Variants in DCBLD1 observed in about 807,000 individuals in gnomAD.
DCBLD1 encodes the protein discoidin, CUB and LCCL domain-containing protein 1.
In DCBLD1, 57 loss-of-function variants were observed where a neutral mutation model predicts 71.5. That is an observed-to-expected ratio of 0.80 (90% CI 0.64 to 0.99). DCBLD1 has a LOEUF of 0.99. Ranked by LOEUF, DCBLD1 falls within the 50% of genes least tolerant of loss-of-function variation. DCBLD1 has a pLI of 0.00. For missense variants in DCBLD1, 891 were observed against 923.5 expected, an observed-to-expected ratio of 0.96 and a Z score of 0.46; for synonymous variants, 380 against 363.8, an observed-to-expected ratio of 1.04 and a Z score of -0.51.
intron 7 of DCBLD1, among the ~76,000 whole-genome samples, chr6:117,537,438 G>A (rs1007180498): frequency 1.3e-5 from 2 of 151,626 alleles, no homozygotes; most frequent in Non-Finnish European, 2.9e-5. Context: ...GGAGGCTGAG[G>A]CAGGAGAATG....
chr6:117,509,621 C>T lies in DCBLD1; in HGVS notation c.325+5642C>T, dbSNP rs140062447. 3.3e-5 allele frequency among the ~76,000 whole-genome samples: 5 copies of T among 152,166 alleles called. No individual in the cohort carries two copies. The East Asian group carries it at 7.7e-4, about 24-fold the overall frequency. On this transcript the variant is annotated intron_variant, in intron 2 of 14. Transcript: ENST00000338728. ...TACTCTTCCCCTCCCTCTTCCCAGC[C>T]GCCTCTTCTTCTTCCTCCTCCTGAG...
At chr6:117,562,587 AGT>A (rs1779607144) in intron 14 of DCBLD1, 1 of 202,386 alleles carries the variant, frequency 4.9e-6, no homozygotes, top group African/African-American at 2.3e-5. Context: ...TAAAATGTTT[AGT>A]AACTTTTGAG....
rs1259155656 is a variant in DCBLD1 at position 117,503,901 on chromosome 6, A to G, written c.247A>G (p.Arg83Gly). Reference protein sequence around the residue: ...TVPKGKRLILRLGDLDIESQT... With the variant: ...TVPKGKRLILGLGDLDIESQT... ...ACCAAAGGGGAAAAGACTGATTCTG[A>G]GGTTGGGAGATTTGGATATCGAATC... The change falls in exon 2 of 15, where the codon AGG (arginine) becomes GGG (glycine). Residue 83 changes from arginine to glycine, a missense_variant. Coordinates refer to ENST00000338728, the MANE Select transcript of DCBLD1 (RefSeq NM_001366458.2). 15 of 1,614,008 alleles carry G rather than the reference A, an allele frequency of 9.3e-6. No homozygotes were observed. Among genetic ancestry groups the G allele is most frequent in the Admixed American group, 1.7e-5 (1 of 60,004 alleles).
intron 12 of DCBLD1, among the ~76,000 whole-genome samples, 193 bp downstream of exon 12, chr6:117,543,404 A>G (rs1026640330): frequency 1.3e-5 from 2 of 152,196 alleles, no homozygotes; most frequent in African/African-American, 4.8e-5. Context: ...ATCTTTTTTT[A>G]TAGACAGGGT....
At chr6:117,494,966 C>T (rs1777422931) in intron 1 of DCBLD1, 4 of 152,192 alleles carry the variant, frequency 2.6e-5, no homozygotes, top group South Asian at 2.1e-4. Context: ...CTTCACTATA[C>T]ACTGTAAGGG....
In DCBLD1 at chr6:117,544,933, T is replaced by C. The variant is rs117576370; in HGVS notation, c.1495+356T>C. Among the ~76,000 whole-genome samples the C allele has an allele frequency of 2.4e-3, 366 of 150,278 alleles. 3 individuals are homozygous for C. The highest frequency in any genetic ancestry group is 4.5e-3 in the Non-Finnish European group (301 of 67,392). The stretch of plus-strand genomic sequence containing the variant: ...GCATCTGCAGGCCTGTGCTGTACTT[T>C]CCACCCTGAGAAAGTGAGAAAAAGA... On this transcript the variant is annotated intron_variant, in intron 13 of 14. Transcript: ENST00000338728.
intron 6 of DCBLD1, among the ~76,000 whole-genome samples, chr6:117,533,306 C>T (rs919828175): frequency 1.3e-5 from 2 of 152,142 alleles, no homozygotes; most frequent in African/African-American, 4.8e-5. Context: ...TATTCTATCA[C>T]TCATTAATCT....
At chr6:117,486,792 G>A (rs1279885095) in intron 1 of DCBLD1, among the ~76,000 whole-genome samples, 1 of 152,190 alleles carries the variant, frequency 6.6e-6, no homozygotes, top group Non-Finnish European at 1.5e-5. Flanking sequence ...GGATCCCTAA[G>A]CCCTGGGCTG....
Position 117,521,579 on chromosome 6 carries a change from A to G in DCBLD1, c.512+3A>G. 1 of 1,561,946 alleles carries G rather than the reference A, an allele frequency of 6.4e-7. No individual in the cohort carries two copies. The highest frequency in any genetic ancestry group is 1.2e-5 in the South Asian group (1 of 83,200). On this transcript the variant is annotated splice_donor_region_variant and intron_variant, in intron 4 of 14. Transcript: ENST00000338728. ...CATTATTTGAAGACAGAATACAGGT[A>G]AGTATAGGTATCCTAACTGTGTTGC...
At chr6:117,544,912 C>T (rs1023782812) in intron 13 of DCBLD1, among the ~76,000 whole-genome samples, 2 of 151,252 alleles carry the variant, frequency 1.3e-5, no homozygotes, top group Non-Finnish European at 3.0e-5. Flanking sequence ...TTGTTAGCAT[C>T]TGCAGGCCTG....
At position 117,540,909 on chromosome 6, in the gene DCBLD1, C is replaced by T. The variant is rs773259973; in HGVS notation, c.1250-9C>T. On this transcript the variant is annotated splice_polypyrimidine_tract_variant and intron_variant, in intron 10 of 14. Coordinates refer to ENST00000338728, the MANE Select transcript of DCBLD1 (RefSeq NM_001366458.2). Reference sequence around the variant, plus strand: ...TCATGTGGTTTTCCCGACATCCCTCCTCTCTCAGGTAATGATTCATTGGTG... The same window carrying T: ...TCATGTGGTTTTCCCGACATCCCTCTTCTCTCAGGTAATGATTCATTGGTG... 2 of 1,614,032 alleles carry T rather than the reference C, an allele frequency of 1.2e-6. No individual in the cohort carries two copies. Among genetic ancestry groups the T allele is most frequent in the African/African-American group, 2.7e-5 (2 of 74,920 alleles).
chr6:117,505,444 C>T (rs541642956), intron 2 of DCBLD1, among the ~76,000 whole-genome samples: 7 of 152,216 alleles, frequency 4.6e-5, no homozygotes, highest in African/African-American at 1.7e-4. Context: ...CCACACGGGT[C>T]TCTTGGGGGA....
intron 12 of DCBLD1, among the ~76,000 whole-genome samples, chr6:117,544,084 C>G (rs564027011): frequency 2.6e-5 from 4 of 152,256 alleles, no homozygotes; most frequent in African/African-American, 9.6e-5. Context: ...AGAGAAGGTA[C>G]AAAAGTCTCT....
At chr6:117,541,996 T>G (rs544073038) in intron 11 of DCBLD1, among the ~76,000 whole-genome samples, 2 of 152,240 alleles carry the variant, frequency 1.3e-5, no homozygotes, top group African/African-American at 4.8e-5. Context: ...TTTTCACTCT[T>G]AAAAATAACA....
In DCBLD1 at chr6:117,563,525, C is replaced by A. The variant is rs951120899; in HGVS notation, c.1616-6095C>A. 6 of 695,962 alleles carry A rather than the reference C, an allele frequency of 8.6e-6. No homozygotes were observed. The African/African-American group carries it at 1.1e-4, about 13-fold the overall frequency. 43.1% of individuals were successfully genotyped at this position (695,962 alleles called of 1,614,324 possible). On this transcript the variant is annotated intron_variant, in intron 14 of 14. Transcript: ENST00000296955. ...TAACCTGAGGTTAGGGGTTCGAGACCAGCCTGGACAATGTGGTGAAACCCC... is the reference window on the plus strand; with the variant it reads ...TAACCTGAGGTTAGGGGTTCGAGACAAGCCTGGACAATGTGGTGAAACCCC...
intron 11 of DCBLD1, among the ~76,000 whole-genome samples, chr6:117,542,860 C>G (rs1427317173): frequency 1.3e-5 from 2 of 152,100 alleles, no homozygotes; most frequent in Non-Finnish European, 2.9e-5. Flanking sequence ...GGCCAAGCAA[C>G]AAGCCCAGTG....
chr6:117,556,585 T>C (rs1779498189), intron 14 of DCBLD1, among the ~76,000 whole-genome samples: 1 of 152,250 alleles, frequency 6.6e-6, no homozygotes, highest in South Asian at 2.1e-4. Flanking sequence ...TATTCAATGG[T>C]ATATATTTAC....
At chr6:117,501,925 A>G (rs1350847322) in intron 1 of DCBLD1, among the ~76,000 whole-genome samples, 2 of 152,074 alleles carry the variant, frequency 1.3e-5, no homozygotes, top group African/African-American at 2.4e-5. Flanking sequence ...CTGTGTTGCA[A>G]TCATTTCTGG....
intron 14 of DCBLD1, chr6:117,547,553 A>G (rs1260136498): frequency 5.5e-6 from 3 of 541,140 alleles, no homozygotes; most frequent in Non-Finnish European, 1.1e-5. Flanking sequence ...TCTATTTTCG[A>G]GGCTGTTTTT....
Sources: gnomAD v4.1 joint callset for allele counts (sites outside exome capture counted in the v4.1 genomes callset) on GRCh38, gnomAD v4.1.1 for gene constraint, MANE v1.5 for transcripts, NCBI Gene and HGNC (gene_info 2026-07-23, HGNC 2026-07-21) for gene names.